Variants in SMOC2 observed in about 807,000 individuals in gnomAD.
SMOC2 encodes SPARC related modular calcium binding 2, also known as SPARC-related modular calcium-binding protein 2.
Under a neutral mutation model 61.4 loss-of-function variants are expected in SMOC2, and 39 were observed. That is an observed-to-expected ratio of 0.64 (90% CI 0.49 to 0.83). The LOEUF is 0.83. Among genes scored for constraint, SMOC2 ranks in the 40% least tolerant of loss-of-function variants. The pLI, the probability that SMOC2 is intolerant of heterozygous loss-of-function variation, is 0.00. For synonymous variants in SMOC2, 247 were observed against 239.9 expected, an observed-to-expected ratio of 1.03 and a Z score of -0.27; for missense variants, 556 against 592.9, an observed-to-expected ratio of 0.94 and a Z score of 0.65.
chr6:168,447,148 C>G (rs929868096), intron 1 of SMOC2, among the ~76,000 whole-genome samples: 1 of 152,170 alleles, frequency 6.6e-6, no homozygotes, highest in Admixed American at 6.5e-5. Context: ...CTCACTGTAA[C>G]CTCTGCCTCC....
intron 1 of SMOC2, among the ~76,000 whole-genome samples, chr6:168,493,127 C>T (rs954578642): frequency 3.3e-5 from 5 of 151,966 alleles, no homozygotes; most frequent in African/African-American, 1.2e-4. Flanking sequence ...TCCTCTGCCT[C>T]CTGGGTTCAG....
At chr6:168,577,889 A>C (rs933495080) in intron 7 of SMOC2, among the ~76,000 whole-genome samples, 6 of 152,194 alleles carry the variant, frequency 3.9e-5, no homozygotes, top group African/African-American at 1.4e-4. Flanking sequence ...CCTTGATCAC[A>C]ACTGATCCCA....
At chr6:168,489,280 G>A (rs569524789) in intron 1 of SMOC2, among the ~76,000 whole-genome samples, 3 of 146,294 alleles carry the variant, frequency 2.1e-5, no homozygotes, top group Non-Finnish European at 4.5e-5. Flanking sequence ...GGTCCCCTTG[G>A]ATCACACTGT....
chr6:168,519,013 G>A (rs569739548), intron 2 of SMOC2, among the ~76,000 whole-genome samples: 25 of 126,086 alleles, frequency 2.0e-4, no homozygotes, highest in South Asian at 5.5e-4. Context: ...GTGAGTATGC[G>A]TGCATGCGAA....
chr6:168,584,507 C>T (rs575464021), intron 7 of SMOC2, among the ~76,000 whole-genome samples: 1 of 151,614 alleles, frequency 6.6e-6, no homozygotes, highest in South Asian at 2.1e-4. Flanking sequence ...TCTGTTTAAT[C>T]GAGTGTACAC....
intron 1 of SMOC2, among the ~76,000 whole-genome samples, chr6:168,504,476 C>T (rs539367161): frequency 1.3e-5 from 2 of 151,304 alleles, no homozygotes; most frequent in South Asian, 2.1e-4. Context: ...CCCTCAGATG[C>T]GCAGTTCACA....
rs1248343695 is a variant in SMOC2, at chr6:168,544,688, A to G, written c.511+1016A>G. ...ATTCTGTCTCAAAAACAAAAACAAAATAATAAAAATAAAAATCGGAGTTTT... is the reference window on the plus strand; with the variant it reads ...ATTCTGTCTCAAAAACAAAAACAAAGTAATAAAAATAAAAATCGGAGTTTT... On this transcript the variant is annotated intron_variant, in intron 5 of 12. Transcript: ENST00000356284. This position sits in a 1 kb window ranked among gnomAD's most constrained non-coding sequence, Gnocchi z 4.1. Among the ~76,000 whole-genome samples, 1 of 152,186 alleles carries G rather than the reference A, an allele frequency of 6.6e-6. No homozygotes were observed. Among genetic ancestry groups the G allele is most frequent in the African/African-American group, 2.4e-5 (1 of 41,448 alleles).
At chr6:168,659,000 G>A (rs1179368502) in intron 11 of SMOC2, among the ~76,000 whole-genome samples, 1 of 144,190 alleles carries the variant, frequency 6.9e-6, no homozygotes, top group Non-Finnish European at 1.5e-5. Context: ...TAAATATGGG[G>A]TGTGTGTGTT....
chr6:168,651,379 C>T (rs9364170), intron 10 of SMOC2, among the ~76,000 whole-genome samples: 24,468 of 151,950 alleles, frequency 0.16, 2,224 homozygotes, highest in East Asian at 0.43. Context: ...GAGTGGCTTT[C>T]GGTGAATTCT....
In SMOC2 at chr6:168,610,318, G is replaced by A. The variant is rs542360361; in HGVS notation, c.907+2079G>A. Among the ~76,000 whole-genome samples, 85 of 152,346 alleles carry A rather than the reference G, an allele frequency of 5.6e-4. 1 individual carries two copies. The highest frequency in any genetic ancestry group is 3.4e-3 in the Middle Eastern group (1 of 294). ...AGCCACGTGACGCAAACTGTGCAAA[G>A]GTCAGCTTGTGCTGTTGCCATAGAT... is the stretch of plus-strand genomic sequence containing the variant. On this transcript the variant is annotated intron_variant, in intron 9 of 12. Transcript: ENST00000356284.
At chr6:168,465,946 G>A (rs1781822138) in intron 1 of SMOC2, among the ~76,000 whole-genome samples, 1 of 115,206 alleles carries the variant, frequency 8.7e-6, no homozygotes, top group Non-Finnish European at 1.8e-5. Flanking sequence ...ATGAAGCGAG[G>A]TGCTGCTCTG....
chr6:168,509,967 G>T lies in SMOC2; in HGVS notation c.137G>T (p.Gly46Val), dbSNP rs367991904. 1 of 1,614,158 alleles carries T rather than the reference G, an allele frequency of 6.2e-7. No individual in the cohort carries two copies. Among genetic ancestry groups the T allele is most frequent in the East Asian group, 2.2e-5 (1 of 44,888 alleles). ...AAGGATTGTAGCTTGGACTGTGCGG[G>T]TTCGCCCCAGAAACCTCTCTGCGCA... Reference protein sequence around the residue: ...KDKDCSLDCAGSPQKPLCASD... With the variant: ...KDKDCSLDCAVSPQKPLCASD... Residue 46 changes from glycine (G) to valine (V), a missense_variant, in exon 2 of 13, where the codon GGT becomes GTT. By Grantham distance (109) the Gly-to-Val change is moderately radical. Transcript: ENST00000356284.
chr6:168,587,078 C>G (rs1212610273), intron 7 of SMOC2, among the ~76,000 whole-genome samples: 3 of 152,174 alleles, frequency 2.0e-5, no homozygotes, highest in Non-Finnish European at 2.9e-5. Context: ...ATTTACTTGT[C>G]TAAAGACTGA....
chr6:168,464,615 G>A lies in SMOC2; in HGVS notation c.84+23161G>A, dbSNP rs564846344. Among the ~76,000 whole-genome samples, 7 of 151,476 alleles carry A rather than the reference G, an allele frequency of 4.6e-5. No homozygotes were observed. In the South Asian group the frequency reaches 1.3e-3, roughly 27 times the overall value. On this transcript the variant is annotated intron_variant, in intron 1 of 12. Transcript: ENST00000356284. The stretch of plus-strand genomic sequence containing the variant: ...GCATCTAAGGCTCAGAAACCAAAAT[G>A]CCAGAATCAACTATGGTAGTATTTC...
Position 168,534,929 on chromosome 6 carries a change from A to C in SMOC2, c.463+7202A>C, listed in dbSNP as rs73258927. 6.5e-3 allele frequency among the ~76,000 whole-genome samples: 996 copies of C among 152,288 alleles called. 6 individuals carry two copies. Among genetic ancestry groups the C allele is most frequent in the South Asian group, 0.028 (134 of 4,814 alleles). On this transcript the variant is annotated intron_variant, in intron 4 of 12. Coordinates refer to ENST00000356284, the MANE Select transcript of SMOC2 (RefSeq NM_001166412.2). ...GCCCCAATTTGTATAGGTCTATTTA[A>C]AGAATAATGGCTGAGTGCTTCTAGA...
At chr6:168,649,703 G>A (rs1311248191) in intron 9 of SMOC2, among the ~76,000 whole-genome samples, 1 of 152,212 alleles carries the variant, frequency 6.6e-6, no homozygotes, top group Non-Finnish European at 1.5e-5. Context: ...TCGGGGAAAC[G>A]AGGGTGGGGC....
chr6:168,632,761 A>T (rs1465060145), intron 9 of SMOC2, among the ~76,000 whole-genome samples: 1 of 152,236 alleles, frequency 6.6e-6, no homozygotes, highest in East Asian at 1.9e-4. Context: ...TTGGAAAAGG[A>T]GCAGGCTAAG....
At chr6:168,608,312 A>G in intron 9 of SMOC2, 73 bp downstream of exon 9, 1 of 1,490,038 alleles carries the variant, frequency 6.7e-7, no homozygotes, top group East Asian at 2.4e-5. Context: ...TTGGAATGAA[A>G]AAGACTTTAT....
chr6:168,595,774 T>C (rs1044866297), intron 7 of SMOC2, among the ~76,000 whole-genome samples: 4 of 152,248 alleles, frequency 2.6e-5, no homozygotes, highest in Non-Finnish European at 4.4e-5. Flanking sequence ...TTTTATATCA[T>C]GCTCATCAAA....
Sources: allele counts gnomAD v4.1 joint callset (sites outside exome capture counted in the v4.1 genomes callset), GRCh38; gene constraint gnomAD v4.1.1; non-coding constraint Gnocchi (gnomAD v3.1); transcripts MANE v1.5; gene names NCBI Gene and HGNC (gene_info 2026-07-23, HGNC 2026-07-21).